CHRM3: variants seen among roughly 807,000 people sequenced by gnomAD.
CHRM3 encodes muscarinic acetylcholine receptor M3.
In CHRM3, 11 loss-of-function variants were observed where a neutral mutation model predicts 41.8. The observed-to-expected ratio is 0.26, with a 90% CI of 0.17 to 0.44. The LOEUF (loss-of-function observed/expected upper bound fraction) is 0.44, where lower values mean the gene tolerates loss of function less well. Ranked by LOEUF, CHRM3 falls within the 20% of genes least tolerant of loss-of-function variation. CHRM3 has a pLI of 1.00. For missense variants in CHRM3, 571 were observed against 745.4 expected, an observed-to-expected ratio of 0.77 and a Z score of 2.72; for synonymous variants, 297 against 301.4, an observed-to-expected ratio of 0.99 and a Z score of 0.15.
At position 239,580,720 on chromosome 1, in the gene CHRM3, C is replaced by T. The variant is rs550573540; in HGVS notation, c.-313+34971C>T. Among the ~76,000 whole-genome samples the T allele has an allele frequency of 1.0e-2, 569 of 57,098 alleles. 4 individuals carry two copies. The highest frequency in any genetic ancestry group is 0.027 in the Non-Finnish European group (455 of 17,102). 37.5% of individuals were successfully genotyped at this position (57,098 alleles called of 152,430 possible). On this transcript the variant is annotated intron_variant, in intron 3 of 6. Transcript: ENST00000676153. ...ATATATATATACACACACACACACA[C>T]ACACACACACACAAGTGCATATATA... is the stretch of plus-strand genomic sequence containing the variant.
chr1:239,445,368 T>C (rs557066592), intron 1 of CHRM3, among the ~76,000 whole-genome samples: 1 of 152,168 alleles, frequency 6.6e-6, no homozygotes, highest in African/African-American at 2.4e-5. Flanking sequence ...CAGAGAGTGA[T>C]CAGCCGTGTG....
intron 5 of CHRM3, among the ~76,000 whole-genome samples, chr1:239,797,315 G>A (rs648629): frequency 6.6e-6 from 1 of 151,446 alleles, no homozygotes; most frequent in South Asian, 2.1e-4. Context: ...AATATATCCA[G>A]GTAGCAAACC....
At chr1:239,520,639 G>A (rs928632785) in intron 2 of CHRM3, among the ~76,000 whole-genome samples, 1 of 152,100 alleles carries the variant, frequency 6.6e-6, no homozygotes, top group Non-Finnish European at 1.5e-5. Context: ...CCAGTCTCAG[G>A]TAGTTCTTTA....
chr1:239,412,763 T>A (rs1364206616), intron 1 of CHRM3, among the ~76,000 whole-genome samples: 1 of 152,094 alleles, frequency 6.6e-6, no homozygotes, highest in Non-Finnish European at 1.5e-5. Flanking sequence ...TCATTGGTAA[T>A]TATATAATCA....
rs200222916 is a variant in CHRM3, at chr1:239,409,953, C to CA, written c.-521+22734dup. 8.2e-3 allele frequency among the ~76,000 whole-genome samples: 1,240 copies of CA among 151,724 alleles called. 19 individuals carry two copies. The highest frequency in any genetic ancestry group is 0.038 in the South Asian group (182 of 4,802). The stretch of plus-strand genomic sequence containing the variant: ...GAGACTCCGTCTCAACAAAAACAAA[C>CA]AAAAAAAAGATAGCAGAATGCTTGG... On this transcript the variant is annotated intron_variant, in intron 1 of 6. Transcript: ENST00000676153.
At chr1:239,602,141 A>ATGT (rs1665678044) in intron 3 of CHRM3, among the ~76,000 whole-genome samples, 1 of 97,766 alleles carries the variant, frequency 1.0e-5, no homozygotes, top group Non-Finnish European at 2.1e-5. Context: ...TATATATATA[A>ATGT]TTTTGTTTTT....
intron 5 of CHRM3, among the ~76,000 whole-genome samples, chr1:239,690,958 C>T (rs1474228211): frequency 6.6e-6 from 1 of 151,962 alleles, no homozygotes; most frequent in Non-Finnish European, 1.5e-5. Context: ...TGTTTGGACC[C>T]CAGCTGCGGG....
intron 3 of CHRM3, among the ~76,000 whole-genome samples, chr1:239,591,583 G>A (rs961221082): frequency 5.3e-5 from 8 of 151,350 alleles, no homozygotes; most frequent in African/African-American, 1.9e-4. Context: ...AATTCACCAT[G>A]CGTGCCGTCT....
intron 6 of CHRM3, among the ~76,000 whole-genome samples, chr1:239,849,772 G>A (rs987483247): frequency 4.6e-5 from 7 of 152,056 alleles, no homozygotes; most frequent in East Asian, 1.9e-4. Context: ...AATGGTACCT[G>A]CCTCATAAGG....
intron 2 of CHRM3, among the ~76,000 whole-genome samples, chr1:239,495,745 T>A (rs2148095783): frequency 6.6e-6 from 1 of 152,290 alleles, no homozygotes; most frequent in South Asian, 2.1e-4. Context: ...AATCATCAAA[T>A]CCCTATAAAG....
At chr1:239,651,100 A>C (rs1672203836) in intron 4 of CHRM3, among the ~76,000 whole-genome samples, 3 of 152,244 alleles carry the variant, frequency 2.0e-5, no homozygotes, top group Admixed American at 2.0e-4. Context: ...GAATGAATGA[A>C]TCAAACCCAT....
intron 5 of CHRM3, chr1:239,707,273 T>C (rs572661339): frequency 1.3e-5 from 2 of 152,218 alleles, no homozygotes; most frequent in Non-Finnish European, 2.9e-5. Context: ...TTTCTCCTGG[T>C]AGATTTAAAC....
chr1:239,896,345 A>G (rs1679004097), intron 6 of CHRM3, among the ~76,000 whole-genome samples: 1 of 152,218 alleles, frequency 6.6e-6, no homozygotes, highest in African/African-American at 2.4e-5. Context: ...TTCCACTGCA[A>G]TTATTTTGTT....
intron 4 of CHRM3, among the ~76,000 whole-genome samples, chr1:239,665,436 T>C (rs534881121): frequency 1.2e-3 from 179 of 152,296 alleles, no homozygotes; most frequent in Non-Finnish European, 1.8e-3. Context: ...CTTCTCCTTT[T>C]TAATGGAAGC....
chr1:239,805,339 C>T lies in CHRM3; in HGVS notation c.-146-21913C>T, dbSNP rs556867765. 2.6e-5 allele frequency among the ~76,000 whole-genome samples: 4 copies of T among 152,266 alleles called. No homozygotes were observed. In the East Asian group the frequency reaches 7.7e-4, roughly 29 times the overall value. On this transcript the variant is annotated intron_variant, in intron 5 of 6. Coordinates refer to ENST00000676153, the MANE Select transcript of CHRM3 (RefSeq NM_001375978.1). ...TAACTCATAGGCCTGGAGCTAAGTT[C>T]GCCATTTCACTCGGGACCCTTCACT... is the stretch of plus-strand genomic sequence containing the variant.
At chr1:239,774,647 G>C (rs1219784336) in intron 5 of CHRM3, among the ~76,000 whole-genome samples, 1 of 152,108 alleles carries the variant, frequency 6.6e-6, no homozygotes, top group Non-Finnish European at 1.5e-5. Context: ...AATAATGTTA[G>C]CCATCCTTTC....
intron 5 of CHRM3, among the ~76,000 whole-genome samples, chr1:239,807,839 C>CACACAT (rs1214070677): frequency 1.3e-5 from 2 of 151,256 alleles, no homozygotes; most frequent in East Asian, 3.9e-4. Context: ...CACACACACA[C>CACACAT]ACACACATAC....
intron 5 of CHRM3, among the ~76,000 whole-genome samples, chr1:239,759,189 TTTTTTTTAG>T (rs1558518636): frequency 1.7e-4 from 23 of 134,342 alleles, no homozygotes; most frequent in African/African-American, 7.2e-4. Context: ...TTTGTTTTTT[TTTTTTTTAG>T]AGAGAGGCTT....
intron 1 of CHRM3, among the ~76,000 whole-genome samples, chr1:239,468,907 A>G (rs1255507128): frequency 6.6e-6 from 1 of 152,180 alleles, no homozygotes; most frequent in Non-Finnish European, 1.5e-5. Context: ...AGGTCAATAA[A>G]TCCATTAGCA....
Sources: gnomAD v4.1 joint callset for allele counts (sites outside exome capture counted in the v4.1 genomes callset) on GRCh38, gnomAD v4.1.1 for gene constraint, MANE v1.5 for transcripts, NCBI Gene and HGNC (gene_info 2026-07-23, HGNC 2026-07-21) for gene names.